Variants in DNAH14 observed in about 807,000 individuals in gnomAD.
DNAH14 encodes axonemal beta dynein heavy chain 14.
In DNAH14, 478 loss-of-function variants were observed where a neutral mutation model predicts 520.9. That is an observed-to-expected ratio of 0.92 (90% CI 0.85 to 0.99). The LOEUF (loss-of-function observed/expected upper bound fraction) is 0.99. Among genes scored for constraint, DNAH14 ranks in the 50% least tolerant of loss-of-function variants. The pLI, the probability that DNAH14 is intolerant of heterozygous loss-of-function variation, is 0.00. For missense variants in DNAH14, 4,831 were observed against 5,234.5 expected (o/e 0.92, Z 2.38); for synonymous variants, 1,581 against 1,757.2 (o/e 0.90, Z 2.51).
chr1:224,999,062 A>G (rs1415599418), intron 8 of DNAH14, among the ~76,000 whole-genome samples: 3 of 151,978 alleles, frequency 2.0e-5, no homozygotes. Context: ...TTTATTTGGT[A>G]TTAATATAGC....
chr1:225,073,772 G>A (rs1558867511), intron 17 of DNAH14, among the ~76,000 whole-genome samples: 3 of 151,682 alleles, frequency 2.0e-5, no homozygotes, highest in Admixed American at 6.6e-5. Context: ...TACAACCTCC[G>A]CCTCCCAGAT....
intron 62 of DNAH14, 124 bp from the exon 63 acceptor site, chr1:225,324,098 G>T: frequency 8.1e-7 from 1 of 1,241,666 alleles, no homozygotes; most frequent in Non-Finnish European, 1.1e-6. Flanking sequence ...TTATAGGCAT[G>T]AGCCGCCGCC....
intron 43 of DNAH14, among the ~76,000 whole-genome samples, chr1:225,241,562 G>C (rs1010952305): frequency 1.3e-5 from 2 of 152,122 alleles, no homozygotes; most frequent in Non-Finnish European, 2.9e-5. Flanking sequence ...GAATGTCAAA[G>C]AGTGAACTTA....
intron 41 of DNAH14, among the ~76,000 whole-genome samples, chr1:225,207,638 A>G (rs968427907): frequency 1.3e-5 from 2 of 152,216 alleles, no homozygotes; most frequent in African/African-American, 2.4e-5. Flanking sequence ...ATCATGTAGT[A>G]TTATAGATAA....
intron 84 of DNAH14, chr1:225,396,345 C>T: frequency 6.6e-6 from 1 of 152,236 alleles, no homozygotes; most frequent in Middle Eastern, 3.2e-3. Context: ...ATAATGATGG[C>T]ACTGATGCTT....
intron 69 of DNAH14, 95 bp downstream of exon 69, chr1:225,340,796 A>T (rs944801695): frequency 3.7e-6 from 5 of 1,353,600 alleles, no homozygotes; most frequent in Admixed American, 2.7e-5. Context: ...CAAAAATACC[A>T]AATCTCCATT....
intron 23 of DNAH14, 103 bp from the exon 24 acceptor site, chr1:225,117,581 T>C (rs2076960316): frequency 1.5e-6 from 1 of 678,670 alleles, no homozygotes; most frequent in Non-Finnish European, 2.5e-6. Flanking sequence ...ATACCATAAC[T>C]AATATTGTGG....
chr1:225,135,946 A>AGTC (rs1396325212), intron 27 of DNAH14, among the ~76,000 whole-genome samples: 2 of 152,002 alleles, frequency 1.3e-5, no homozygotes, highest in African/African-American at 4.8e-5. Flanking sequence ...GTTGGTTTAA[A>AGTC]GTCTGCTTTT....
At chr1:225,279,181 A>T (rs1469396444) in intron 54 of DNAH14, among the ~76,000 whole-genome samples, 13 of 152,036 alleles carry the variant, frequency 8.6e-5, no homozygotes, top group Non-Finnish European at 1.6e-4. Context: ...AATATTTTGT[A>T]TTTTTAGTAG....
chr1:225,043,960 T>A lies in DNAH14; in HGVS notation c.1889T>A (p.Leu630Ter). The A allele has an allele frequency of 6.7e-7, 1 of 1,502,894 alleles. No homozygotes were observed. The highest frequency in any genetic ancestry group is 9.0e-7 in the Non-Finnish European group (1 of 1,109,586). 93.1% of individuals were successfully genotyped at this position (1,502,894 alleles called of 1,614,324 possible). A position where few individuals can be genotyped will look rare whatever the true frequency, so the allele number is the denominator to read the frequency against. The change falls in exon 15 of 86, where the codon TTG becomes TAG. Residue 630 changes from leucine to a stop codon, truncating the protein, a stop_gained. Transcript: ENST00000682510. LOFTEE classifies it high-confidence loss of function. ...TTTTCAGTAAAAATTCAAAATATGT[T>A]GACTAATATGGAAAAATGTATAAGT... ...LEFSVKIQNMLTNMEKCITTI... is the reference protein window; with the variant it reads ...LEFSVKIQNM
chr1:225,241,877 G>T (rs1227754659), intron 43 of DNAH14, among the ~76,000 whole-genome samples: 2 of 152,156 alleles, frequency 1.3e-5, no homozygotes, highest in Non-Finnish European at 2.9e-5. Context: ...GTACATTACT[G>T]TAGACTTTAT....
chr1:225,080,805 GAC>G (rs1401200238), intron 19 of DNAH14, 57 bp downstream of exon 19: 1 of 1,449,782 alleles, frequency 6.9e-7, no homozygotes, highest in African/African-American at 1.4e-5. Context: ...ATGGCCTTTG[GAC>G]ATCAAGAGCA....
intron 27 of DNAH14, among the ~76,000 whole-genome samples, chr1:225,125,383 G>A (rs2077637097): frequency 6.6e-6 from 1 of 152,174 alleles, no homozygotes; most frequent in African/African-American, 2.4e-5. Context: ...GTTGTTCAGT[G>A]TATCCACTTT....
At chr1:225,350,645 T>C (rs1029570399) in intron 71 of DNAH14, among the ~76,000 whole-genome samples, 3 of 152,046 alleles carry the variant, frequency 2.0e-5, no homozygotes, top group African/African-American at 7.2e-5. Flanking sequence ...ATGAATTGGA[T>C]AACCTAGAAG....
chr1:225,335,717 G>GTATATGTA (rs2094981823), intron 66 of DNAH14, among the ~76,000 whole-genome samples: 1 of 23,398 alleles, frequency 4.3e-5, no homozygotes, highest in Non-Finnish European at 7.2e-5. Context: ...ATGTATATAC[G>GTATATGTA]CATATATACA....
intron 1 of DNAH14, among the ~76,000 whole-genome samples, chr1:224,934,490 TAAAG>T (rs1456941391): frequency 2.0e-5 from 3 of 149,990 alleles, no homozygotes; most frequent in South Asian, 2.1e-4. Flanking sequence ...TCAGAAAAAA[TAAAG>T]AAAAAAGTAT....
intron 22 of DNAH14, among the ~76,000 whole-genome samples, chr1:225,098,648 T>G (rs1352477973): frequency 6.6e-6 from 1 of 152,202 alleles, no homozygotes; most frequent in African/African-American, 2.4e-5. Flanking sequence ...AATGCTTGGG[T>G]TTATTCTATT....
rs572047713 is a variant in DNAH14 at position 225,372,886 on chromosome 1, T to C, written c.12319-1802T>C. 2.0e-5 allele frequency among the ~76,000 whole-genome samples: 3 copies of C among 150,526 alleles called. No individual in the cohort carries two copies. The South Asian group carries it at 6.4e-4, about 32-fold the overall frequency. On this transcript the variant is annotated intron_variant, in intron 77 of 85. Coordinates refer to ENST00000682510, the MANE Select transcript of DNAH14 (RefSeq NM_001367479.1). ...AGCCAAAGGAAAAACAGGCGGTGTA[T>C]AGAGGATTGTACTTAAATGACCAAC...
chr1:225,133,008 C>T (rs528480387), intron 27 of DNAH14, among the ~76,000 whole-genome samples: 43 of 151,990 alleles, frequency 2.8e-4, no homozygotes, highest in African/African-American at 9.2e-4. Flanking sequence ...GTTTGTTGGG[C>T]GCATGTATGT....
Sources: gnomAD v4.1 joint callset for allele counts (sites outside exome capture counted in the v4.1 genomes callset) on GRCh38, gnomAD v4.1.1 for gene constraint, MANE v1.5 for transcripts, NCBI Gene and HGNC (gene_info 2026-07-23, HGNC 2026-07-21) for gene names.